Variants in DSCAML1 observed in about 807,000 individuals in gnomAD.
The protein encoded by DSCAML1 is cell adhesion molecule DSCAML1.
In DSCAML1, 38 loss-of-function variants were observed where a neutral mutation model predicts 200.5. The observed-to-expected ratio is 0.19, with a 90% CI of 0.15 to 0.25. DSCAML1 has a LOEUF of 0.25. DSCAML1 is among the 10% of genes least tolerant of loss of function. DSCAML1 has a pLI of 1.00. For missense variants in DSCAML1, 2,223 were observed against 2,858.8 expected, an observed-to-expected ratio of 0.78 and a Z score of 5.07; for synonymous variants, 1,215 against 1,165.0, an observed-to-expected ratio of 1.04 and a Z score of -0.87.
At chr11:117,793,235 C>T (rs1215784921) in intron 1 of DSCAML1, among the ~76,000 whole-genome samples, 2 of 152,186 alleles carry the variant, frequency 1.3e-5, no homozygotes, top group Admixed American at 1.3e-4. Flanking sequence ...CCTATTCATG[C>T]ACCTGGGTAC....
chr11:117,541,474 C>T (rs1041855122), intron 3 of DSCAML1, among the ~76,000 whole-genome samples: 15 of 152,192 alleles, frequency 9.9e-5, no homozygotes, highest in Non-Finnish European at 1.8e-4. Context: ...TGGGGTGAGG[C>T]AGCTGAACTT....
rs1180911499 is a variant in DSCAML1, at chr11:117,498,196, T to C, written c.2359+5649A>G. On this transcript the variant is annotated intron_variant, in intron 11 of 32. Coordinates refer to ENST00000651296, the MANE Select transcript of DSCAML1 (RefSeq NM_020693.4). This position sits in a 1 kb window ranked among gnomAD's most constrained non-coding sequence, Gnocchi z 4.0. ...CCACCGGGGAACACACAGGAATATC[T>C]TGGGCCAGTTGTTTGCCCTCTCTGG... Among the ~76,000 whole-genome samples the C allele has an allele frequency of 1.3e-5, 2 of 152,220 alleles. No individual in the cohort carries two copies. The highest frequency in any genetic ancestry group is 3.9e-4 in the East Asian group (2 of 5,194).
intron 3 of DSCAML1, among the ~76,000 whole-genome samples, chr11:117,624,882 T>C (rs962450282): frequency 2.6e-5 from 4 of 151,708 alleles, no homozygotes; most frequent in Non-Finnish European, 4.4e-5. Context: ...AGAACAAGAG[T>C]TGGGGAGGCA....
intron 3 of DSCAML1, among the ~76,000 whole-genome samples, chr11:117,614,381 C>A (rs116540844): frequency 6.6e-6 from 1 of 152,196 alleles, no homozygotes; most frequent in East Asian, 1.9e-4. Flanking sequence ...ACCCTCTGAC[C>A]GCCTGGATTC....
chr11:117,510,450 C>G (rs1268643999), intron 8 of DSCAML1, among the ~76,000 whole-genome samples: 1 of 138,628 alleles, frequency 7.2e-6, no homozygotes, highest in African/African-American at 2.7e-5. Context: ...CACTGATTTT[C>G]TAGTTAAAAC....
At position 117,516,891 on chromosome 11, in the gene DSCAML1, T is replaced by G. The variant is rs2049780881; in HGVS notation, c.1511-152A>C. On this transcript the variant is annotated intron_variant, in intron 7 of 32. Transcript: ENST00000651296. This position sits in a 1 kb window ranked among gnomAD's most constrained non-coding sequence, Gnocchi z 5.7. ...CATTTGGTGGGGGCACAGGGATGCC[T>G]TTTTACAAAGCTACAGACAGGGGCT... 1.1e-6 allele frequency: 1 copy of G among 949,354 alleles called. No homozygotes were observed. The highest frequency in any genetic ancestry group is 1.5e-6 in the Non-Finnish European group (1 of 654,630). 58.8% of individuals were successfully genotyped at this position (949,354 alleles called of 1,614,324 possible). A position where few individuals can be genotyped will look rare whatever the true frequency, so the allele number is the denominator to read the frequency against.
At chr11:117,654,159 A>G (rs1266427234) in intron 3 of DSCAML1, among the ~76,000 whole-genome samples, 1 of 152,202 alleles carries the variant, frequency 6.6e-6, no homozygotes. Context: ...AAATCTATAG[A>G]GACAGATTGG....
intron 3 of DSCAML1, among the ~76,000 whole-genome samples, chr11:117,706,450 G>A (rs1298079023): frequency 6.6e-6 from 1 of 152,160 alleles, no homozygotes. Flanking sequence ...AGAATTCAGT[G>A]TTTAGTTTAG....
At chr11:117,736,626 C>A (rs1446705295) in intron 3 of DSCAML1, among the ~76,000 whole-genome samples, 1 of 152,184 alleles carries the variant, frequency 6.6e-6, no homozygotes, top group Non-Finnish European at 1.5e-5. Flanking sequence ...TGGTCTTGCC[C>A]TCTGAATGCC....
At chr11:117,614,055 TG>T (rs2051758108) in intron 3 of DSCAML1, among the ~76,000 whole-genome samples, 1 of 151,924 alleles carries the variant, frequency 6.6e-6, no homozygotes, top group African/African-American at 2.4e-5. Context: ...CCTGGAAAGG[TG>T]GGAGGAAAGG....
chr11:117,488,226 A>C (rs1212122821), intron 11 of DSCAML1, among the ~76,000 whole-genome samples: 1 of 152,160 alleles, frequency 6.6e-6, no homozygotes, highest in East Asian at 1.9e-4. Flanking sequence ...GTGCCCACAA[A>C]TAGGAGCTTT....
chr11:117,608,158 C>T (rs947139518), intron 3 of DSCAML1, among the ~76,000 whole-genome samples: 7 of 152,060 alleles, frequency 4.6e-5, no homozygotes, highest in East Asian at 1.9e-4. Context: ...GGTAAATCTA[C>T]GGGGGGATAT....
intron 3 of DSCAML1, among the ~76,000 whole-genome samples, chr11:117,576,984 T>C (rs913956689): frequency 6.6e-6 from 1 of 152,222 alleles, no homozygotes. Context: ...ATTTGAATCC[T>C]TGATTGAGAA....
intron 3 of DSCAML1, among the ~76,000 whole-genome samples, chr11:117,601,165 A>T (rs1480083773): frequency 1.3e-5 from 1 of 77,592 alleles, no homozygotes; most frequent in Admixed American, 1.4e-4. Context: ...CTCTGTCCCC[A>T]CCCCCACCTC....
chr11:117,635,404 G>A (rs933302434), intron 3 of DSCAML1, among the ~76,000 whole-genome samples: 1 of 151,920 alleles, frequency 6.6e-6, no homozygotes, highest in Non-Finnish European at 1.5e-5. Context: ...GGTGCCAGTG[G>A]TTGAGTTTTA....
intron 3 of DSCAML1, among the ~76,000 whole-genome samples, chr11:117,707,427 T>C (rs77699630): frequency 0.086 from 13,157 of 152,264 alleles, 1,205 homozygotes; most frequent in African/African-American, 0.24. Flanking sequence ...CAGGGGCTGC[T>C]TTGGCAGTCT....
chr11:117,438,221 C>A, intron 24 of DSCAML1, 138 bp from the exon 25 acceptor site: 1 of 783,252 alleles, frequency 1.3e-6, no homozygotes, highest in East Asian at 2.8e-5. Flanking sequence ...CGGGCATATG[C>A]TCCTTAGAAG....
chr11:117,596,484 C>T (rs1211449107), intron 3 of DSCAML1, among the ~76,000 whole-genome samples: 3 of 151,734 alleles, frequency 2.0e-5, no homozygotes, highest in Non-Finnish European at 4.4e-5. Context: ...GAGCCCATTG[C>T]TAATGGCAAT....
intron 1 of DSCAML1, among the ~76,000 whole-genome samples, chr11:117,793,370 G>A (rs189509016): frequency 6.6e-6 from 1 of 152,236 alleles, no homozygotes; most frequent in Admixed American, 6.5e-5. Context: ...GAAGAAGCTC[G>A]CAGCCTGGAA....
Sources: allele counts gnomAD v4.1 joint callset (sites outside exome capture counted in the v4.1 genomes callset), GRCh38; gene constraint gnomAD v4.1.1; non-coding constraint Gnocchi (gnomAD v3.1); transcripts MANE v1.5; gene names NCBI Gene and HGNC (gene_info 2026-07-23, HGNC 2026-07-21).